TACC1: variants seen among roughly 807,000 people sequenced by gnomAD.
TACC1 encodes the protein transforming acidic coiled-coil containing protein 1.
Under a neutral mutation model 84.4 loss-of-function variants are expected in TACC1, and 48 were observed. The ratio of observed to expected loss-of-function variants is 0.57; its 90% CI spans 0.45 to 0.72. TACC1 has a LOEUF of 0.72. TACC1 is among the 30% of genes least tolerant of loss of function. TACC1 has a pLI of 0.00. For synonymous variants in TACC1, 372 were observed against 376.3 expected (o/e 0.99, Z 0.13); for missense variants, 920 against 973.0 (o/e 0.95, Z 0.72).
intron 1 of TACC1, among the ~76,000 whole-genome samples, chr8:38,741,161 T>C (rs962423423): frequency 2.6e-5 from 4 of 151,746 alleles, no homozygotes; most frequent in African/African-American, 9.7e-5. Flanking sequence ...GCTGCTATTT[T>C]TTTTTTTTTT....
At chr8:38,804,549 C>T (rs926439509) in intron 2 of TACC1, among the ~76,000 whole-genome samples, 21 of 152,334 alleles carry the variant, frequency 1.4e-4, no homozygotes, top group African/African-American at 4.8e-4. Context: ...GATCCACCAA[C>T]CTCGGCCTCC....
chr8:38,847,555 T>G (rs1832544705), intron 12 of TACC1, among the ~76,000 whole-genome samples: 1 of 152,248 alleles, frequency 6.6e-6, no homozygotes, highest in African/African-American at 2.4e-5. Flanking sequence ...TATCACAGGG[T>G]CTGTTAGCCC....
intron 2 of TACC1, among the ~76,000 whole-genome samples, chr8:38,791,126 T>C (rs1818545049): frequency 6.6e-6 from 1 of 152,176 alleles, no homozygotes; most frequent in African/African-American, 2.4e-5. Flanking sequence ...CATCGTTTTG[T>C]CAGCTGCTAG....
At chr8:38,738,784 A>G (rs1006405311) in intron 1 of TACC1, among the ~76,000 whole-genome samples, 5 of 152,028 alleles carry the variant, frequency 3.3e-5, no homozygotes, top group Non-Finnish European at 7.4e-5. Context: ...TCGTTGGTGC[A>G]TGGTGTTGAA....
intron 3 of TACC1, among the ~76,000 whole-genome samples, chr8:38,824,285 C>T (rs1488690429): frequency 6.6e-6 from 1 of 152,188 alleles, no homozygotes; most frequent in Non-Finnish European, 1.5e-5. Context: ...GGCGCTTTGA[C>T]AATACCAAAA....
At chr8:38,800,911 T>G (rs1341812174) in intron 2 of TACC1, among the ~76,000 whole-genome samples, 1 of 152,214 alleles carries the variant, frequency 6.6e-6, no homozygotes, top group African/African-American at 2.4e-5. Flanking sequence ...CAACACTTCT[T>G]ATTGTCTGTC....
chr8:38,757,066 C>A (rs1810191940), intron 3 of TACC1, among the ~76,000 whole-genome samples: 1 of 152,210 alleles, frequency 6.6e-6, no homozygotes, highest in Non-Finnish European at 1.5e-5. Flanking sequence ...GCTGCCCGGG[C>A]TCCCCGCAGC....
intron 9 of TACC1, among the ~76,000 whole-genome samples, chr8:38,841,268 T>C (rs1831226614): frequency 6.6e-6 from 1 of 152,206 alleles, no homozygotes; most frequent in Non-Finnish European, 1.5e-5. Flanking sequence ...CTGTAATGTA[T>C]GTATTTTAAG....
At chr8:38,812,363 C>G (rs1824398992) in intron 2 of TACC1, among the ~76,000 whole-genome samples, 1 of 152,080 alleles carries the variant, frequency 6.6e-6, no homozygotes, top group Non-Finnish European at 1.5e-5. Flanking sequence ...CAGGGGACAT[C>G]ATGGACCTAC....
intron 3 of TACC1, chr8:38,757,214 A>ACCC: frequency 2.2e-5 from 3 of 134,508 alleles, no homozygotes; most frequent in South Asian, 5.2e-5. Context: ...CGGGCGCCCC[A>ACCC]CCCCGCCCTC....
intron 4 of TACC1, among the ~76,000 whole-genome samples, chr8:38,826,853 CA>C (rs1045310224): frequency 1.3e-4 from 20 of 150,750 alleles, no homozygotes; most frequent in African/African-American, 4.6e-4. Context: ...CATAGATTTT[CA>C]AAAAAAAATT....
intron 3 of TACC1, among the ~76,000 whole-genome samples, chr8:38,780,057 T>C (rs924291363): frequency 2.0e-5 from 3 of 152,248 alleles, no homozygotes; most frequent in Admixed American, 2.0e-4. Flanking sequence ...AGGCACACAG[T>C]CAGAAGCTTC....
At chr8:38,836,054 C>T (rs1291061348) in intron 6 of TACC1, 108 bp from the exon 7 acceptor site, 2 of 1,441,092 alleles carry the variant, frequency 1.4e-6, no homozygotes, top group African/African-American at 2.9e-5. Context: ...TTTCTTTAAA[C>T]ATGGTTTTAA....
rs1246124630 is a variant in TACC1, at chr8:38,787,334, G to A, written c.-249G>A. 1.6e-6 allele frequency: 2 copies of A among 1,286,870 alleles called. No homozygotes were observed. The highest frequency in any genetic ancestry group is 1.6e-5 in the African/African-American group (1 of 63,842). The allele number at this position is 1,286,870 out of a possible 1,614,324, so 79.7% of individuals were successfully genotyped here. ...CACAGGACGGGCGTCTTCCCGGCTA[G>A]TGGAGCCCGGCGCGGGGCCCGCTGC... On this transcript the variant is annotated 5_prime_UTR_variant, in exon 1 of 13. In the 5' UTR this introduces an upstream ATG that the reference lacks. Coordinates refer to ENST00000317827, the MANE Select transcript of TACC1 (RefSeq NM_006283.3).
At chr8:38,763,349 C>T (rs539307377) in intron 3 of TACC1, among the ~76,000 whole-genome samples, 1 of 152,182 alleles carries the variant, frequency 6.6e-6, no homozygotes, top group East Asian at 1.9e-4. Context: ...AAATGGGGCT[C>T]TTGCTATATT....
Position 38,849,755 on chromosome 8 carries a change from T to C in TACC1, c.*1732T>C, listed in dbSNP as rs1564024965. ...AAGCCTGTTGTCTTAACATTTTGTA[T>C]AAAAAAGAACAACAGAAATTATCTG... is the stretch of plus-strand genomic sequence containing the variant. On this transcript the variant is annotated 3_prime_UTR_variant, in exon 13 of 13. Transcript: ENST00000317827. 1 of 152,632 alleles carries C rather than the reference T, an allele frequency of 6.6e-6. No individual in the cohort carries two copies. The highest frequency in any genetic ancestry group is 2.4e-5 in the African/African-American group (1 of 41,448). The allele number at this position is 152,632 out of a possible 1,614,324, so 9.5% of individuals were successfully genotyped here.
At chr8:38,823,915 A>G (rs778310757) in intron 3 of TACC1, 2 of 1,084,214 alleles carry the variant, frequency 1.8e-6, no homozygotes, top group African/African-American at 3.2e-5. Context: ...CTAGAGTTGA[A>G]TATTCCAGTC....
chr8:38,817,598 A>G (rs1269552753), intron 2 of TACC1, among the ~76,000 whole-genome samples: 1 of 152,184 alleles, frequency 6.6e-6, no homozygotes, highest in East Asian at 1.9e-4. Flanking sequence ...GTTAAACCAA[A>G]TTCTGATTAT....
rs148350430 is a variant in TACC1 at position 38,768,542 on chromosome 8, A to G, written c.27-20162A>G. The stretch of plus-strand genomic sequence containing the variant: ...GAAGGAACGGGAGTGTCAAAAGTTC[A>G]ATTTTTTCCTCCTCCATCCTTGATA... On this transcript the variant is annotated intron_variant, in intron 3 of 14. Transcript: ENST00000518415. Among the ~76,000 whole-genome samples the G allele has an allele frequency of 6.6e-5, 10 of 152,180 alleles. No homozygotes were observed. The East Asian group carries it at 1.9e-3, about 29-fold the overall frequency.
Sources: gnomAD v4.1 joint callset for allele counts (sites outside exome capture counted in the v4.1 genomes callset) on GRCh38, gnomAD v4.1.1 for gene constraint, MANE v1.5 for transcripts, NCBI Gene and HGNC (gene_info 2026-07-23, HGNC 2026-07-21) for gene names.